The following CHLSN variants were observed in gnomAD, a reference collection of about 807,000 sequenced individuals.
The protein encoded by CHLSN is protein cholesin.
the CHLSN span, chr7:1,093,059 C>A: frequency 1.4e-6 from 1 of 708,982 alleles, no homozygotes; most frequent in Non-Finnish European, 2.6e-6. Context: ...GCACTCCTCA[C>A]ACAGAATTGC....
the CHLSN span, among the ~76,000 whole-genome samples, chr7:1,059,548 T>TCCG: frequency 7.8e-6 from 1 of 127,540 alleles, no homozygotes; most frequent in Non-Finnish European, 1.6e-5. Context: ...AGGTGGGTCT[T>TCCG]AGTGGGGCGG....
At chr7:1,130,730 G>A in the CHLSN span, among the ~76,000 whole-genome samples, 1 of 152,200 alleles carries the variant, frequency 6.6e-6, no homozygotes, top group African/African-American at 2.4e-5. Context: ...GGGCGGGGGG[G>A]TGCCACAGAG....
At chr7:1,002,807 T>C in the CHLSN span, among the ~76,000 whole-genome samples, 57 of 26,826 alleles carry the variant, frequency 2.1e-3, no homozygotes, top group South Asian at 0.011. Flanking sequence ...TGGAGTCCTG[T>C]GGGTGGGGAG....
the CHLSN span, among the ~76,000 whole-genome samples, chr7:992,761 G>GTAAGA: frequency 6.6e-6 from 1 of 152,250 alleles, no homozygotes; most frequent in Admixed American, 6.5e-5. Context: ...GGGGAAGGAG[G>GTAAGA]TAAGACACTG....
the CHLSN span, among the ~76,000 whole-genome samples, chr7:1,050,036 G>A: frequency 6.6e-6 from 1 of 152,226 alleles, no homozygotes; most frequent in Non-Finnish European, 1.5e-5. Flanking sequence ...CTCTCTGGCG[G>A]GCTAGGCCTT....
chr7:1,121,763 C>T, the CHLSN span, among the ~76,000 whole-genome samples: 2 of 152,250 alleles, frequency 1.3e-5, no homozygotes, highest in East Asian at 1.9e-4. Flanking sequence ...CCTGGGCTTA[C>T]TGTGGCCCAC....
At chr7:1,050,012 G>A in the CHLSN span, among the ~76,000 whole-genome samples, 247 of 152,152 alleles carry the variant, frequency 1.6e-3, no homozygotes, top group African/African-American at 5.4e-3. Flanking sequence ...CAGGACACAC[G>A]GGCCCTCCCA....
the CHLSN span, among the ~76,000 whole-genome samples, chr7:1,001,840 G>A: frequency 1.8e-5 from 2 of 112,316 alleles, no homozygotes; most frequent in African/African-American, 7.3e-5. Flanking sequence ...TGTGGGTGGG[G>A]AGTCCTGTGG....
the CHLSN span, chr7:1,057,593 G>C: frequency 1.3e-6 from 1 of 770,980 alleles, no homozygotes. Context: ...AGCTGGGGCT[G>C]TCACTGTTGT....
the CHLSN span, among the ~76,000 whole-genome samples, chr7:1,066,715 G>A: frequency 2.0e-5 from 3 of 152,220 alleles, no homozygotes; most frequent in Admixed American, 1.3e-4. Context: ...TGGGGAGGCC[G>A]ATGCCCATCC....
the CHLSN span, among the ~76,000 whole-genome samples, chr7:1,098,163 G>A: frequency 1.3e-5 from 2 of 152,306 alleles, no homozygotes; most frequent in Admixed American, 6.5e-5. Context: ...GGGAAAAGAC[G>A]GGACTGTGCG....
chr7:1,058,231 T>G, the CHLSN span: 11 of 761,828 alleles, frequency 1.4e-5, no homozygotes, highest in South Asian at 1.5e-4. Flanking sequence ...GTGGCCACCG[T>G]GTGCACGCAG....
the CHLSN span, among the ~76,000 whole-genome samples, chr7:979,399 G>A: frequency 2.6e-5 from 4 of 152,100 alleles, no homozygotes; most frequent in Non-Finnish European, 5.9e-5. Context: ...CCTGTCAGAC[G>A]TTATCTTATG....
chr7:999,637 G>A, the CHLSN span, among the ~76,000 whole-genome samples: 2 of 152,268 alleles, frequency 1.3e-5, no homozygotes, highest in Non-Finnish European at 2.9e-5. Context: ...TGCCTGGAAT[G>A]TCCCAGGGCT....
the CHLSN span, among the ~76,000 whole-genome samples, chr7:1,039,048 G>C: frequency 3.6e-5 from 3 of 83,366 alleles, no homozygotes; most frequent in Admixed American, 1.1e-4. Context: ...GCCCCGTCCG[G>C]GAGGGAGGTG....
At chr7:1,021,959 C>T in the CHLSN span, among the ~76,000 whole-genome samples, 3 of 152,168 alleles carry the variant, frequency 2.0e-5, no homozygotes, top group South Asian at 2.1e-4. Flanking sequence ...TTCGATCCTC[C>T]GCGGGGGTGG....
At chr7:1,113,097 G>C in the CHLSN span, among the ~76,000 whole-genome samples, 1 of 152,182 alleles carries the variant, frequency 6.6e-6, no homozygotes, top group Non-Finnish European at 1.5e-5. Flanking sequence ...AAAAACTGCA[G>C]GGCGCACACA....
At chr7:1,056,538 A>G in the CHLSN span, 1 of 152,324 alleles carries the variant, frequency 6.6e-6, no homozygotes, top group Non-Finnish European at 1.5e-5. Flanking sequence ...TGGGGCGCAC[A>G]CTGCTATTGG....
the CHLSN span, among the ~76,000 whole-genome samples, chr7:1,099,677 C>G: frequency 1.3e-5 from 2 of 152,224 alleles, no homozygotes; most frequent in Admixed American, 1.3e-4. Flanking sequence ...AGTGGAGATG[C>G]CAGCTCCGCC....
Sources: allele counts gnomAD v4.1 joint callset (sites outside exome capture counted in the v4.1 genomes callset), GRCh38; gene constraint gnomAD v4.1.1; transcripts MANE v1.5; gene names NCBI Gene and HGNC (gene_info 2026-07-23, HGNC 2026-07-21).